The following SH3BGR variants were observed in gnomAD, a reference collection of about 807,000 sequenced individuals.
SH3BGR encodes SH3 domain binding glutamate rich protein.
In SH3BGR, 29 loss-of-function variants were observed where a neutral mutation model predicts 24.5. That is an observed-to-expected ratio of 1.18 (90% confidence interval 0.88 to 1.61). SH3BGR has a LOEUF of 1.61. Among genes scored for constraint, SH3BGR ranks in the 40% most tolerant of loss-of-function variants. The pLI is 0.00. For missense variants in SH3BGR, 162 were observed against 205.8 expected (o/e 0.79, Z 1.30); for synonymous variants, 55 against 65.7 (o/e 0.84, Z 0.79).
At chr21:39,500,004 A>G (rs1371345331) in intron 4 of SH3BGR, 89 bp downstream of exon 4, 2 of 941,618 alleles carry the variant, frequency 2.1e-6, no homozygotes, top group East Asian at 2.4e-5. Context: ...TCTGGGCACA[A>G]GCAGTCAGAA....
intron 3 of SH3BGR, among the ~76,000 whole-genome samples, chr21:39,498,622 C>G (rs1352569979): frequency 6.6e-6 from 1 of 152,150 alleles, no homozygotes; most frequent in African/African-American, 2.4e-5. Flanking sequence ...CAAAATCACC[C>G]AAGGAAGCAT....
chr21:39,501,141 T>C (rs1368029209), intron 4 of SH3BGR, among the ~76,000 whole-genome samples: 1 of 152,248 alleles, frequency 6.6e-6, no homozygotes, highest in Non-Finnish European at 1.5e-5. Context: ...GAACTTTGCA[T>C]GAGTTGCCTA....
intron 4 of SH3BGR, among the ~76,000 whole-genome samples, chr21:39,501,586 C>T (rs1022738826): frequency 6.6e-6 from 1 of 152,180 alleles, no homozygotes. Context: ...CTTTTCAACT[C>T]TTTAATGCCA....
chr21:39,505,624 G>T (rs189941758), intron 4 of SH3BGR, among the ~76,000 whole-genome samples: 202 of 152,246 alleles, frequency 1.3e-3, no homozygotes, highest in Admixed American at 2.5e-3. Flanking sequence ...AATTAGCTGG[G>T]TGTGGTAGCG....
intron 6 of SH3BGR, among the ~76,000 whole-genome samples, chr21:39,513,512 T>C (rs2078732953): frequency 6.6e-6 from 1 of 151,246 alleles, no homozygotes; most frequent in Non-Finnish European, 1.5e-5. Context: ...CACTTTGTTA[T>C]TGGACCATAA....
intron 3 of SH3BGR, among the ~76,000 whole-genome samples, chr21:39,487,469 AC>A (rs2078230155): frequency 6.6e-6 from 1 of 152,174 alleles, no homozygotes; most frequent in East Asian, 1.9e-4. Context: ...TTAAAGTGTT[AC>A]CTTTACAGAT....
intron 3 of SH3BGR, among the ~76,000 whole-genome samples, chr21:39,494,334 A>G (rs1338263428): frequency 6.6e-6 from 1 of 150,746 alleles, no homozygotes; most frequent in East Asian, 1.9e-4. Flanking sequence ...TGAAGTTTCC[A>G]TCTGGTGTCA....
At chr21:39,493,472 A>T (rs1032780220) in intron 3 of SH3BGR, among the ~76,000 whole-genome samples, 1 of 152,172 alleles carries the variant, frequency 6.6e-6, no homozygotes, top group Non-Finnish European at 1.5e-5. Context: ...TCATTGGTCT[A>T]TGTGCCTATT....
chr21:39,470,142 A>G (rs1405857259), intron 2 of SH3BGR, among the ~76,000 whole-genome samples: 3 of 151,106 alleles, frequency 2.0e-5, no homozygotes, highest in African/African-American at 7.3e-5. Context: ...TCTTTTTTCT[A>G]ATTTTATTTT....
At chr21:39,499,761 C>A in intron 3 of SH3BGR, 62 bp from the exon 4 acceptor site, 1 of 1,223,530 alleles carries the variant, frequency 8.2e-7, no homozygotes, top group Non-Finnish European at 1.2e-6. Context: ...GCATATGTGG[C>A]CTGTTTTTTT....
chr21:39,515,283 G>T lies in SH3BGR; in HGVS notation c.*230G>T. 1 of 277,128 alleles carries T rather than the reference G, an allele frequency of 3.6e-6. No homozygotes were observed. 17.2% of individuals were successfully genotyped at this position (277,128 alleles called of 1,614,324 possible). Reference sequence around the variant, plus strand: ...CGTTTATGCATACCTTCATGTGCCTGACAGTCTTGGCTTTTGAAGATTTTT... The same window carrying T: ...CGTTTATGCATACCTTCATGTGCCTTACAGTCTTGGCTTTTGAAGATTTTT... On this transcript the variant is annotated 3_prime_UTR_variant, in exon 7 of 7. Coordinates refer to ENST00000333634, the MANE Select transcript of SH3BGR (RefSeq NM_007341.3).
chr21:39,485,988 G>A (rs564638532), intron 3 of SH3BGR, among the ~76,000 whole-genome samples: 2 of 152,078 alleles, frequency 1.3e-5, no homozygotes, highest in African/African-American at 2.4e-5. Flanking sequence ...ACGCCCGGCC[G>A]GTCTCAAAGT....
chr21:39,463,764 A>T (rs2077795349), intron 2 of SH3BGR, among the ~76,000 whole-genome samples: 1 of 152,350 alleles, frequency 6.6e-6, no homozygotes, highest in Middle Eastern at 3.4e-3. Context: ...AAAGCCAAGA[A>T]GATTTACTAT....
At chr21:39,446,436 C>T (rs1242248286) in intron 1 of SH3BGR, among the ~76,000 whole-genome samples, 1 of 152,114 alleles carries the variant, frequency 6.6e-6, no homozygotes, top group African/African-American at 2.4e-5. Flanking sequence ...CTGACTGTTT[C>T]CTTAGGATAA....
intron 6 of SH3BGR, among the ~76,000 whole-genome samples, chr21:39,514,037 G>A (rs2078741930): frequency 6.6e-6 from 1 of 152,162 alleles, no homozygotes; most frequent in South Asian, 2.1e-4. Context: ...TTTCTCTGAT[G>A]GGTTCTAGTT....
intron 4 of SH3BGR, among the ~76,000 whole-genome samples, chr21:39,506,117 A>G (rs1470786582): frequency 6.6e-6 from 1 of 152,208 alleles, no homozygotes; most frequent in East Asian, 1.9e-4. Context: ...TGTTGGTTCC[A>G]GAAAGTGGCC....
At chr21:39,451,297 G>GC, upstream of SH3BGR, among the ~76,000 whole-genome samples, 1 of 152,164 alleles carries the variant, frequency 6.6e-6, no homozygotes, top group African/African-American at 2.4e-5. Context: ...TCAGTGACAA[G>GC]TAAATAAAAT....
intron 4 of SH3BGR, among the ~76,000 whole-genome samples, chr21:39,507,961 G>C (rs1322887216): frequency 2.6e-5 from 4 of 152,156 alleles, no homozygotes; most frequent in Non-Finnish European, 5.9e-5. Context: ...AATCTTGAGA[G>C]GCTGCCTGGT....
Position 39,452,567 on chromosome 21 carries a change from T to G in SH3BGR, c.45+426T>G, listed in dbSNP as rs572192449. On this transcript the variant is annotated intron_variant, in intron 1 of 6. Transcript: ENST00000333634. ...CCAGATTGCTAAAATGACTCTGGGG[T>G]GTAATCACTTGTATATGCCATGTAA... 1.1e-4 allele frequency among the ~76,000 whole-genome samples: 16 copies of G among 152,290 alleles called. No individual in the cohort carries two copies. In the South Asian group the frequency reaches 3.3e-3, roughly 32 times the overall value.
Sources: gnomAD v4.1 joint callset for allele counts (sites outside exome capture counted in the v4.1 genomes callset) on GRCh38, gnomAD v4.1.1 for gene constraint, MANE v1.5 for transcripts, NCBI Gene and HGNC (gene_info 2026-07-23, HGNC 2026-07-21) for gene names.